NUDT3: variants seen among roughly 807,000 people sequenced by gnomAD.
NUDT3 encodes the protein nudix hydrolase 3.
A neutral mutation model predicts 23.6 loss-of-function variants in NUDT3; 9 were observed. The observed-to-expected ratio is 0.38, with a 90% CI of 0.23 to 0.66. The LOEUF (loss-of-function observed/expected upper bound fraction) is 0.66, where lower values mean the gene tolerates loss of function less well. Among genes scored for constraint, NUDT3 ranks in the 30% least tolerant of loss-of-function variants. The probability of loss-of-function intolerance (pLI) is 0.52; values close to 1 mark genes in which losing one functional copy is unlikely to be tolerated. For synonymous variants in NUDT3, 86 were observed against 82.6 expected, an observed-to-expected ratio of 1.04 and a Z score of -0.22; for missense variants, 172 against 218.5, an observed-to-expected ratio of 0.79 and a Z score of 1.34.
At chr6:34,376,718 T>C (rs1764928820) in intron 1 of NUDT3, among the ~76,000 whole-genome samples, 2 of 152,164 alleles carry the variant, frequency 1.3e-5, no homozygotes, top group Admixed American at 1.3e-4. Context: ...TTCCCTCTGG[T>C]AGCCCCCGCT....
intron 2 of NUDT3, among the ~76,000 whole-genome samples, chr6:34,337,783 C>T (rs1764230865): frequency 6.6e-6 from 1 of 152,182 alleles, no homozygotes; most frequent in Non-Finnish European, 1.5e-5. Context: ...ACCACAACTC[C>T]CAAAACCAAG....
At chr6:34,349,563 C>A (rs914383094) in intron 1 of NUDT3, among the ~76,000 whole-genome samples, 1 of 150,492 alleles carries the variant, frequency 6.6e-6, no homozygotes, top group Non-Finnish European at 1.5e-5. Flanking sequence ...GGGAAACCGA[C>A]GGTGATTTTG....
chr6:34,383,066 G>C (rs1765049089), intron 1 of NUDT3, among the ~76,000 whole-genome samples: 1 of 150,456 alleles, frequency 6.6e-6, no homozygotes, highest in African/African-American at 2.5e-5. Context: ...GGCGGAGGTT[G>C]CAGTGAGCCA....
At chr6:34,313,863 C>T (rs1763817256) in intron 2 of NUDT3, among the ~76,000 whole-genome samples, 1 of 151,806 alleles carries the variant, frequency 6.6e-6, no homozygotes, top group African/African-American at 2.4e-5. Flanking sequence ...TTTGGGAGGC[C>T]CAGGCGGGTG....
At chr6:34,305,655 C>G (rs1370939959) in intron 2 of NUDT3, among the ~76,000 whole-genome samples, 4 of 152,150 alleles carry the variant, frequency 2.6e-5, no homozygotes, top group Admixed American at 6.5e-5. Flanking sequence ...ATTTAACTTT[C>G]TAATATAAGC....
intron 2 of NUDT3, among the ~76,000 whole-genome samples, chr6:34,313,869 G>A (rs1031391987): frequency 6.6e-6 from 1 of 152,118 alleles, no homozygotes; most frequent in Non-Finnish European, 1.5e-5. Flanking sequence ...AGGCCCAGGC[G>A]GGTGGATCAT....
intron 2 of NUDT3, among the ~76,000 whole-genome samples, chr6:34,326,453 GTTGT>G (rs1441857518): frequency 6.6e-6 from 1 of 152,116 alleles, no homozygotes; most frequent in Non-Finnish European, 1.5e-5. Context: ...ACATACTTTG[GTTGT>G]TTTTCACTAT....
chr6:34,323,155 G>A (rs1174875984), intron 2 of NUDT3, among the ~76,000 whole-genome samples: 1 of 152,014 alleles, frequency 6.6e-6, no homozygotes, highest in Non-Finnish European at 1.5e-5. Context: ...TTGCTATTTG[G>A]GTGACAGGGT....
At chr6:34,374,136 G>C (rs999832465) in intron 1 of NUDT3, among the ~76,000 whole-genome samples, 1 of 124,044 alleles carries the variant, frequency 8.1e-6, no homozygotes. Flanking sequence ...CAGCCTGGGC[G>C]ACAGAACAAG....
intron 1 of NUDT3, among the ~76,000 whole-genome samples, chr6:34,351,539 C>T (rs1165265829): frequency 2.0e-5 from 3 of 148,766 alleles, no homozygotes; most frequent in Non-Finnish European, 3.0e-5. Context: ...GTCAGGAGTT[C>T]GAGACCAGCC....
rs1038326600 is a variant in NUDT3 at position 34,384,507 on chromosome 6, C to T, written c.99+7757G>A. Among the ~76,000 whole-genome samples, 16 of 152,228 alleles carry T rather than the reference C, an allele frequency of 1.1e-4. No homozygotes were observed. The South Asian group carries it at 3.3e-3, about 32-fold the overall frequency. ...GTATCATTTGGCCTTTCTAAGAGTA[C>T]AAACAAGCCCATCCCTGTCTCTCAC... On this transcript the variant is annotated intron_variant, in intron 1 of 4. Transcript: ENST00000607016.
At chr6:34,388,694 G>T (rs536491657) in intron 1 of NUDT3, among the ~76,000 whole-genome samples, 1 of 152,188 alleles carries the variant, frequency 6.6e-6, no homozygotes. Flanking sequence ...TGCAAGAAGG[G>T]ATGCTAATAT....
At chr6:34,338,429 A>G (rs1764241713) in intron 2 of NUDT3, among the ~76,000 whole-genome samples, 1 of 152,182 alleles carries the variant, frequency 6.6e-6, no homozygotes, top group Admixed American at 6.5e-5. Context: ...GTTCCCTCAA[A>G]GTTTAATTTT....
Position 34,288,654 on chromosome 6 carries a change from AGAG to A in NUDT3, c.*96_*98del. On this transcript the variant is annotated 3_prime_UTR_variant, in exon 5 of 5. Coordinates refer to ENST00000607016, the MANE Select transcript of NUDT3 (RefSeq NM_006703.4). ...TGCTGCCCACCATGCCTTATTTGAA[AGAG>A]GAGGCCTGTGAGAAGTGGAAAGAGC... 6.9e-7 allele frequency: 1 copy of A among 1,458,998 alleles called. No homozygotes were observed. 90.4% of individuals were successfully genotyped at this position (1,458,998 alleles called of 1,614,324 possible). A position where few individuals can be genotyped will look rare whatever the true frequency, so the allele number is the denominator to read the frequency against.
rs144589787 is a variant in NUDT3 at position 34,367,128 on chromosome 6, C to T, written c.99+25136G>A. Among the ~76,000 whole-genome samples, 568 of 152,242 alleles carry T rather than the reference C, an allele frequency of 3.7e-3. 4 individuals carry two copies. Among genetic ancestry groups the T allele is most frequent in the African/African-American group, 0.013 (520 of 41,572 alleles). ...GGTCTCGAACTCCTCAAGTAATCCA[C>T]CCGCCTCAGCCTCCCAAAATGCTGG... On this transcript the variant is annotated intron_variant, in intron 1 of 4. Coordinates refer to ENST00000607016, the MANE Select transcript of NUDT3 (RefSeq NM_006703.4).
intron 1 of NUDT3, among the ~76,000 whole-genome samples, chr6:34,358,300 AATTT>A: frequency 7.0e-6 from 1 of 142,994 alleles, no homozygotes; most frequent in East Asian, 2.2e-4. Flanking sequence ...CACCCCTTAT[AATTT>A]CTACAGGAAT....
intron 2 of NUDT3, among the ~76,000 whole-genome samples, chr6:34,331,577 A>C (rs1764129230): frequency 6.6e-6 from 1 of 152,234 alleles, no homozygotes; most frequent in African/African-American, 2.4e-5. Context: ...CTATTAGGAT[A>C]GAAGTGAGGA....
At chr6:34,382,072 CAAAAAA>C (rs957166787) in intron 1 of NUDT3, among the ~76,000 whole-genome samples, 7 of 34,960 alleles carry the variant, frequency 2.0e-4, no homozygotes, top group African/African-American at 4.6e-4. Flanking sequence ...GACTCTATCT[CAAAAAA>C]AAAAAAAAAA....
At chr6:34,301,136 C>T (rs1763591215) in intron 2 of NUDT3, among the ~76,000 whole-genome samples, 1 of 126,850 alleles carries the variant, frequency 7.9e-6, no homozygotes, top group Non-Finnish European at 1.9e-5. Flanking sequence ...ATTTATTAAT[C>T]TACTCCCTTG....
Sources: allele counts gnomAD v4.1 joint callset (sites outside exome capture counted in the v4.1 genomes callset), GRCh38; gene constraint gnomAD v4.1.1; transcripts MANE v1.5; gene names NCBI Gene and HGNC (gene_info 2026-07-23, HGNC 2026-07-21).